The following CSMD1 variants were observed in gnomAD, a reference collection of about 807,000 sequenced individuals.
The protein encoded by CSMD1 is CUB and sushi domain-containing protein 1.
Under a neutral mutation model 417.5 loss-of-function variants are expected in CSMD1, and 213 were observed. That is an observed-to-expected ratio of 0.51 (90% CI 0.46 to 0.57). The LOEUF (loss-of-function observed/expected upper bound fraction) is 0.57. Ranked by LOEUF, CSMD1 falls within the 20% of genes least tolerant of loss-of-function variation. The pLI is 0.00. For missense variants in CSMD1, 6,923 were observed against 4,529.7 expected, an observed-to-expected ratio of 1.53 and a Z score of -15.17; for synonymous variants, 2,862 against 1,736.8, an observed-to-expected ratio of 1.65 and a Z score of -16.11.
chr8:4,625,676 C>T (rs1233570752), intron 2 of CSMD1, among the ~76,000 whole-genome samples: 2 of 151,992 alleles, frequency 1.3e-5, no homozygotes, highest in African/African-American at 4.8e-5. Context: ...TAAACCTAAG[C>T]AAGCAAATAT....
chr8:4,449,854 C>T (rs1243518444), intron 2 of CSMD1, among the ~76,000 whole-genome samples: 1 of 152,152 alleles, frequency 6.6e-6, no homozygotes, highest in African/African-American at 2.4e-5. Context: ...ATGACTTCAT[C>T]CTCACCCAGT....
rs372746544 is a variant in CSMD1, at chr8:4,686,112, T to C, written c.86-48554A>G. On this transcript the variant is annotated intron_variant, in intron 1 of 69. Transcript: ENST00000635120. Reference sequence around the variant, plus strand: ...TCACTTTTTCGTTACAGAAGCTGTGTCAGAAAATTTGAGATGCCAAATTAT... The same window carrying C: ...TCACTTTTTCGTTACAGAAGCTGTGCCAGAAAATTTGAGATGCCAAATTAT... Among the ~76,000 whole-genome samples, 163 of 152,260 alleles carry C rather than the reference T, an allele frequency of 1.1e-3. 2 individuals carry two copies. In the South Asian group the frequency reaches 0.016, roughly 15 times the overall value.
intron 2 of CSMD1, among the ~76,000 whole-genome samples, chr8:4,527,726 A>G (rs141146530): frequency 1.3e-5 from 2 of 152,318 alleles, no homozygotes; most frequent in Admixed American, 1.3e-4. Context: ...ACTGATAATG[A>G]AATGCATCAT....
At chr8:4,244,758 C>T (rs1006368196) in intron 3 of CSMD1, among the ~76,000 whole-genome samples, 1 of 151,902 alleles carries the variant, frequency 6.6e-6, no homozygotes, top group African/African-American at 2.4e-5. Context: ...AAGAGTTTTG[C>T]TACTTAAAGA....
At chr8:4,472,249 T>G (rs925107402) in intron 2 of CSMD1, among the ~76,000 whole-genome samples, 2 of 152,216 alleles carry the variant, frequency 1.3e-5, no homozygotes, top group African/African-American at 4.8e-5. Context: ...TCTTACACTT[T>G]TGCACAGCCT....
intron 5 of CSMD1, among the ~76,000 whole-genome samples, chr8:3,872,182 G>C (rs1015670836): frequency 7.2e-5 from 11 of 152,092 alleles, no homozygotes; most frequent in South Asian, 2.1e-4. Context: ...TTAAATTACA[G>C]TGTTTAATGG....
At position 3,575,020 on chromosome 8, in the gene CSMD1, G is replaced by A. The variant is rs527938837; in HGVS notation, c.1269C>T (p.Thr423=). Residue 423 remains threonine (T), a synonymous_variant, in exon 10 of 70, where the codon ACC becomes ACT. Transcript: ENST00000635120. ...SNLRGPSGVI[T]SPNYPVQYED... ...CATACTGAACCGGATAATTAGGGGA[G>A]GTAATGACGCCGCTGGGCCCACGCA... The A allele has an allele frequency of 6.2e-7, 1 of 1,613,476 alleles. No homozygotes were observed. The highest frequency in any genetic ancestry group is 1.3e-5 in the African/African-American group (1 of 75,022).
At chr8:3,162,898 A>C (rs557664404) in intron 37 of CSMD1, among the ~76,000 whole-genome samples, 1 of 152,294 alleles carries the variant, frequency 6.6e-6, no homozygotes, top group South Asian at 2.1e-4. Flanking sequence ...ACACTCACAG[A>C]TTTTTTTAAA....
At chr8:4,137,870 T>G (rs1322881572) in intron 3 of CSMD1, among the ~76,000 whole-genome samples, 2 of 151,876 alleles carry the variant, frequency 1.3e-5, no homozygotes, top group African/African-American at 4.8e-5. Context: ...TACATTATTT[T>G]TTTTAATTAA....
At position 3,262,230 on chromosome 8, in the gene CSMD1, T is replaced by TATAC. The variant is rs770901446; in HGVS notation, c.4153+21913_4153+21914insGTAT. On this transcript the variant is annotated intron_variant, in intron 26 of 69. Coordinates refer to ENST00000635120, the MANE Select transcript of CSMD1 (RefSeq NM_033225.6). ...ATATATATATATATATATATATATATACACACACATAGTTAATTTCAAAAT... is the reference window on the plus strand; with the variant it reads ...ATATATATATATATATATATATATATATACACACACACATAGTTAATTTCAAAAT... 2.1e-3 allele frequency among the ~76,000 whole-genome samples: 198 copies of TATAC among 95,656 alleles called. 1 individual carries two copies. Among genetic ancestry groups the TATAC allele is most frequent in the Non-Finnish European group, 3.0e-3 (147 of 49,136 alleles). The allele number at this position is 95,656 out of a possible 152,430, so 62.8% of individuals were successfully genotyped here.
At chr8:4,701,675 AC>A (rs984936884) in intron 1 of CSMD1, among the ~76,000 whole-genome samples, 2 of 152,036 alleles carry the variant, frequency 1.3e-5, no homozygotes, top group African/African-American at 4.8e-5. Flanking sequence ...CCTCTGTCAA[AC>A]CTTTCTCCTT....
chr8:4,041,350 A>C (rs1797885754), intron 3 of CSMD1, among the ~76,000 whole-genome samples: 1 of 152,096 alleles, frequency 6.6e-6, no homozygotes, highest in South Asian at 2.1e-4. Context: ...AGAAGAATTA[A>C]TCCATATATA....
chr8:3,833,828 C>T (rs1802509616), intron 5 of CSMD1, among the ~76,000 whole-genome samples: 1 of 152,020 alleles, frequency 6.6e-6, no homozygotes. Context: ...AATGGTTAAA[C>T]AATATAAGAC....
intron 5 of CSMD1, among the ~76,000 whole-genome samples, chr8:3,869,813 G>C (rs762240048): frequency 2.6e-5 from 4 of 152,060 alleles, no homozygotes; most frequent in Non-Finnish European, 5.9e-5. Context: ...CCAGATTTCC[G>C]TATCAACTGC....
intron 2 of CSMD1, among the ~76,000 whole-genome samples, 187 bp from the exon 3 acceptor site, chr8:4,420,252 G>C (rs973238105): frequency 3.3e-5 from 5 of 152,144 alleles, no homozygotes; most frequent in Non-Finnish European, 5.9e-5. Flanking sequence ...TTTCAAGTAT[G>C]AGAATATGTT....
At chr8:4,189,490 G>C (rs768509132) in intron 3 of CSMD1, among the ~76,000 whole-genome samples, 5 of 152,174 alleles carry the variant, frequency 3.3e-5, no homozygotes, top group African/African-American at 9.7e-5. Context: ...CCGCTAGACA[G>C]AGAGCTATTA....
At chr8:4,578,553 A>C (rs992837548) in intron 2 of CSMD1, among the ~76,000 whole-genome samples, 1 of 151,446 alleles carries the variant, frequency 6.6e-6, no homozygotes, top group Non-Finnish European at 1.5e-5. Context: ...GCAATGCTTC[A>C]TGCCTGTAAT....
intron 2 of CSMD1, among the ~76,000 whole-genome samples, chr8:4,596,107 G>A (rs946496736): frequency 6.6e-6 from 1 of 152,096 alleles, no homozygotes. Flanking sequence ...TACTGCAATT[G>A]TAATAATGAA....
At position 3,772,320 on chromosome 8, in the gene CSMD1, TGTACATATATTTAGAC is replaced by T. The variant is rs1190617265; in HGVS notation, c.819-18294_819-18279del. Among the ~76,000 whole-genome samples the T allele has an allele frequency of 1.7e-3, 219 of 131,656 alleles. 1 individual carries two copies. Among genetic ancestry groups the T allele is most frequent in the African/African-American group, 4.9e-3 (154 of 31,644 alleles). The allele number at this position is 131,656 out of a possible 152,430, so 86.4% of individuals were successfully genotyped here. ...ATGTACATATATTTAGACATACATA[TGTACATATATTTAGAC>T]ATACATATATACATATATTTATATA... On this transcript the variant is annotated intron_variant, in intron 5 of 69. Coordinates refer to ENST00000635120, the MANE Select transcript of CSMD1 (RefSeq NM_033225.6).
Sources: gnomAD v4.1 joint callset for allele counts (sites outside exome capture counted in the v4.1 genomes callset) on GRCh38, gnomAD v4.1.1 for gene constraint, MANE v1.5 for transcripts, NCBI Gene and HGNC (gene_info 2026-07-23, HGNC 2026-07-21) for gene names.